Variants in RANBP2 observed in about 807,000 individuals in gnomAD.
The protein encoded by RANBP2 is E3 SUMO-protein ligase RanBP2.
A neutral mutation model predicts 303.6 loss-of-function variants in RANBP2; 57 were observed. The observed-to-expected ratio is 0.19, with a 90% CI of 0.15 to 0.23. The LOEUF (loss-of-function observed/expected upper bound fraction) is 0.23. RANBP2 is among the 10% of genes least tolerant of loss of function. RANBP2 has a pLI of 1.00. For missense variants in RANBP2, 3,138 were observed against 3,780.8 expected, an observed-to-expected ratio of 0.83 and a Z score of 4.46; for synonymous variants, 1,167 against 1,301.5, an observed-to-expected ratio of 0.90 and a Z score of 2.23.
the RANBP2 span, chr2:109,615,724 G>T: frequency 6.2e-7 from 1 of 1,613,850 alleles, no homozygotes; most frequent in Non-Finnish European, 8.5e-7. Flanking sequence ...GGCGGCGGGC[G>T]CTGGAGGCTT....
chr2:109,129,443 G>A, the RANBP2 span: 1 of 1,491,018 alleles, frequency 6.7e-7, no homozygotes. Context: ...TCACGGCGGA[G>A]CCCGGCTCCC....
chr2:108,955,819 G>A, the RANBP2 span, among the ~76,000 whole-genome samples: 1 of 152,240 alleles, frequency 6.6e-6, no homozygotes, highest in Non-Finnish European at 1.5e-5. Context: ...AAGGTCAGGA[G>A]ATTGAGACCA....
At chr2:109,443,154 A>G in the RANBP2 span, among the ~76,000 whole-genome samples, 1 of 152,402 alleles carries the variant, frequency 6.6e-6, no homozygotes, top group East Asian at 1.9e-4. Context: ...GTGTGTACAC[A>G]TATCTCACAT....
the RANBP2 span, among the ~76,000 whole-genome samples, chr2:109,185,566 T>A: frequency 6.6e-6 from 1 of 152,194 alleles, no homozygotes; most frequent in South Asian, 2.1e-4. Context: ...GGAGTCTCTG[T>A]CTCTTTGGCC....
downstream of RANBP2, chr2:108,788,773 AT>A: frequency 6.4e-7 from 1 of 1,563,252 alleles, no homozygotes; most frequent in Admixed American, 1.9e-5. Context: ...AAATAGTATT[AT>A]TTAGACTTAT....
chr2:108,800,638 TAATTATAC>T, the RANBP2 span, among the ~76,000 whole-genome samples: 2 of 73,732 alleles, frequency 2.7e-5, no homozygotes, highest in African/African-American at 1.2e-4. Flanking sequence ...TTTTTTTTTT[TAATTATAC>T]TTTAAGTTTT....
the RANBP2 span, among the ~76,000 whole-genome samples, chr2:108,805,513 C>T: frequency 6.6e-6 from 1 of 151,818 alleles, no homozygotes; most frequent in African/African-American, 2.4e-5. Flanking sequence ...ATCACGAGGT[C>T]AGGAGTTCGA....
chr2:109,715,146 T>C, the RANBP2 span, among the ~76,000 whole-genome samples: 1 of 151,660 alleles, frequency 6.6e-6, no homozygotes, highest in Non-Finnish European at 1.5e-5. Flanking sequence ...TTTGTATTTT[T>C]AGTAGAGACG....
At chr2:109,108,126 C>T in the RANBP2 span, among the ~76,000 whole-genome samples, 472 of 151,904 alleles carry the variant, frequency 3.1e-3, 2 homozygotes, top group African/African-American at 0.01. Context: ...AGGATGGTCT[C>T]GATCTCCTGC....
the RANBP2 span, among the ~76,000 whole-genome samples, chr2:109,356,172 T>C: frequency 1.3e-5 from 2 of 152,074 alleles, no homozygotes; most frequent in African/African-American, 4.8e-5. Flanking sequence ...GATTTTTAGG[T>C]ACAGGGAGTG....
the RANBP2 span, among the ~76,000 whole-genome samples, chr2:109,162,036 G>A: frequency 1.3e-5 from 2 of 152,168 alleles, no homozygotes; most frequent in Admixed American, 1.3e-4. Flanking sequence ...TCCTTGGGAT[G>A]TGTCCTCAGG....
At chr2:109,544,401 A>G in the RANBP2 span, 9 of 1,502,322 alleles carry the variant, frequency 6.0e-6, no homozygotes, top group South Asian at 1.4e-5. Context: ...TGCATCTAGT[A>G]TATTATAGGA....
the RANBP2 span, among the ~76,000 whole-genome samples, chr2:109,140,118 C>A: frequency 6.6e-6 from 1 of 152,210 alleles, no homozygotes; most frequent in Non-Finnish European, 1.5e-5. Context: ...CCTTTTCCCT[C>A]TGTCCACCGT....
At chr2:109,567,859 G>C in the RANBP2 span, 2 of 1,612,798 alleles carry the variant, frequency 1.2e-6, no homozygotes, top group Non-Finnish European at 1.7e-6. Flanking sequence ...TCATCCGTTG[G>C]GAACTGGTAT....
At chr2:108,987,919 T>C in the RANBP2 span, among the ~76,000 whole-genome samples, 1 of 152,242 alleles carries the variant, frequency 6.6e-6, no homozygotes, top group Non-Finnish European at 1.5e-5. Flanking sequence ...ACATTCTCTA[T>C]TTTAGATGCC....
chr2:109,338,887 C>T, the RANBP2 span, among the ~76,000 whole-genome samples: 1 of 151,160 alleles, frequency 6.6e-6, no homozygotes, highest in Non-Finnish European at 1.5e-5. Flanking sequence ...CTCCTAAGAG[C>T]TTACTGTTGA....
the RANBP2 span, among the ~76,000 whole-genome samples, chr2:108,954,899 G>T: frequency 6.6e-6 from 1 of 152,114 alleles, no homozygotes; most frequent in South Asian, 2.1e-4. Flanking sequence ...GGCCAGGCTG[G>T]CCTTGAACTC....
chr2:109,771,475 A>G, the RANBP2 span, among the ~76,000 whole-genome samples: 2 of 102,262 alleles, frequency 2.0e-5, 1 homozygote, highest in African/African-American at 9.9e-5. Flanking sequence ...CGTGCAGGAG[A>G]GGACAGCTCA....
intron 22 of RANBP2, 35 bp downstream of exon 22, chr2:108,772,616 T>C: frequency 6.4e-7 from 1 of 1,558,986 alleles, no homozygotes; most frequent in Non-Finnish European, 8.8e-7. Flanking sequence ...ATAATGCTTT[T>C]AACAAGTCTT....
Sources: allele counts gnomAD v4.1 joint callset (sites outside exome capture counted in the v4.1 genomes callset), GRCh38; gene constraint gnomAD v4.1.1; transcripts MANE v1.5; gene names NCBI Gene and HGNC (gene_info 2026-07-23, HGNC 2026-07-21).